ELMO1: variants seen among roughly 807,000 people sequenced by gnomAD.
ELMO1 encodes engulfment and cell motility 1, also known as engulfment and cell motility protein 1.
A neutral mutation model predicts 98.9 loss-of-function variants in ELMO1; 26 were observed. The observed-to-expected ratio is 0.26, with a 90% CI of 0.19 to 0.36. The LOEUF is 0.36. ELMO1 is among the 10% of genes least tolerant of loss of function. The pLI, the probability that ELMO1 is intolerant of heterozygous loss-of-function variation, is 1.00. For missense variants in ELMO1, 627 were observed against 935.2 expected, an observed-to-expected ratio of 0.67 and a Z score of 4.30; for synonymous variants, 346 against 346.0, an observed-to-expected ratio of 1.00 and a Z score of 0.00.
At position 37,152,416 on chromosome 7, in the gene ELMO1, T is replaced by A. The variant is rs1351563236; in HGVS notation, c.1087-19182A>T. Among the ~76,000 whole-genome samples, 3 of 151,094 alleles carry A rather than the reference T, an allele frequency of 2.0e-5. No individual in the cohort carries two copies. In the East Asian group the frequency reaches 5.9e-4, roughly 30 times the overall value. On this transcript the variant is annotated intron_variant, in intron 13 of 21. Transcript: ENST00000310758. ...GTGAGAGGTCTGGATCTCCCAGGTA[T>A]GTTCTGGCACCTTGAGCAATGTTGG... is the stretch of plus-strand genomic sequence containing the variant.
chr7:37,285,735 A>G (rs1186900067), intron 4 of ELMO1, among the ~76,000 whole-genome samples: 2 of 152,168 alleles, frequency 1.3e-5, no homozygotes, highest in Admixed American at 6.5e-5. Flanking sequence ...CAACCCAGCC[A>G]ATGAGGAGTG....
At chr7:37,382,986 G>C (rs991893732) in intron 1 of ELMO1, among the ~76,000 whole-genome samples, 3 of 152,200 alleles carry the variant, frequency 2.0e-5, no homozygotes, top group African/African-American at 7.2e-5. Context: ...TGAGTAAGTT[G>C]CAGATGTGAT....
intron 13 of ELMO1, among the ~76,000 whole-genome samples, chr7:37,185,040 T>C (rs78993156): frequency 1.0e-3 from 156 of 152,316 alleles, no homozygotes; most frequent in African/African-American, 3.6e-3. Flanking sequence ...GACGGACAAA[T>C]AGAGTATAGG....
intron 8 of ELMO1, among the ~76,000 whole-genome samples, chr7:37,227,993 A>G (rs1793960016): frequency 6.6e-6 from 1 of 152,248 alleles, no homozygotes; most frequent in South Asian, 2.1e-4. Context: ...AGCATGTTAC[A>G]TAATGAGCAT....
intron 13 of ELMO1, among the ~76,000 whole-genome samples, chr7:37,194,997 C>T (rs1791878344): frequency 6.6e-6 from 1 of 152,168 alleles, no homozygotes; most frequent in Non-Finnish European, 1.5e-5. Context: ...GCAAGAGATG[C>T]AAAGGTGTGC....
intron 16 of ELMO1, among the ~76,000 whole-genome samples, chr7:36,968,705 T>G (rs1326311888): frequency 6.6e-6 from 1 of 152,206 alleles, no homozygotes. Context: ...TTAACAGAAA[T>G]AGTTCTTAGA....
chr7:37,203,662 T>C (rs1439766880), intron 13 of ELMO1, among the ~76,000 whole-genome samples: 1 of 152,100 alleles, frequency 6.6e-6, no homozygotes, highest in Non-Finnish European at 1.5e-5. Flanking sequence ...AGTGGTTTTT[T>C]AGAAGTGGGA....
intron 13 of ELMO1, among the ~76,000 whole-genome samples, chr7:37,192,113 G>A (rs894023118): frequency 2.0e-5 from 3 of 152,316 alleles, no homozygotes; most frequent in Admixed American, 6.5e-5. Flanking sequence ...GTGATTTCTC[G>A]TGTGTGTGTT....
At chr7:37,147,672 G>C (rs1207483420) in intron 13 of ELMO1, among the ~76,000 whole-genome samples, 1 of 152,178 alleles carries the variant, frequency 6.6e-6, no homozygotes, top group Admixed American at 6.5e-5. Flanking sequence ...GAACAGAAGA[G>C]GTTCCACTGG....
Position 37,215,251 on chromosome 7 carries a change from G to C in ELMO1, c.831+1394C>G, listed in dbSNP as rs555735099. ...GGAAGTTTAAAATTGAACTAACTTG[G>C]TCACAAATTGCTGGCATTACCACTG... On this transcript the variant is annotated intron_variant, in intron 11 of 21. Transcript: ENST00000310758. Among the ~76,000 whole-genome samples the C allele has an allele frequency of 1.8e-4, 27 of 152,290 alleles. No homozygotes were observed. In the South Asian group the frequency reaches 4.1e-3, roughly 23 times the overall value.
chr7:36,995,336 C>T (rs1179055808), intron 16 of ELMO1, among the ~76,000 whole-genome samples: 9 of 152,024 alleles, frequency 5.9e-5, no homozygotes, highest in Admixed American at 1.3e-4. Context: ...TGTGAAACCC[C>T]GTTTCTACTA....
chr7:36,928,418 G>C (rs1444221572), intron 16 of ELMO1, among the ~76,000 whole-genome samples: 1 of 152,194 alleles, frequency 6.6e-6, no homozygotes, highest in Non-Finnish European at 1.5e-5. Flanking sequence ...CTGTAAATCA[G>C]GTGCAGAAGG....
intron 13 of ELMO1, among the ~76,000 whole-genome samples, chr7:37,166,250 T>C (rs1789681915): frequency 6.6e-6 from 1 of 152,254 alleles, no homozygotes; most frequent in African/African-American, 2.4e-5. Context: ...TTAGTCTTGC[T>C]AGCGGTCAAT....
chr7:37,321,716 CAAAA>C (rs565421716), intron 2 of ELMO1, among the ~76,000 whole-genome samples: 31 of 66,084 alleles, frequency 4.7e-4, no homozygotes, highest in African/African-American at 1.8e-3. Flanking sequence ...GACTCCGTCT[CAAAA>C]AAAAAAAAAA....
intron 8 of ELMO1, among the ~76,000 whole-genome samples, chr7:37,227,360 A>G (rs1399620526): frequency 2.6e-5 from 4 of 152,138 alleles, no homozygotes; most frequent in Non-Finnish European, 5.9e-5. Flanking sequence ...GAAATATTCA[A>G]TCAGAACTCT....
intron 1 of ELMO1, among the ~76,000 whole-genome samples, chr7:37,398,018 G>C (rs1032592020): frequency 6.6e-6 from 1 of 152,142 alleles, no homozygotes; most frequent in Non-Finnish European, 1.5e-5. Context: ...GTGGGATATG[G>C]GGAAGGAGAG....
chr7:36,916,064 G>C (rs1281376179), intron 16 of ELMO1, among the ~76,000 whole-genome samples: 1 of 152,186 alleles, frequency 6.6e-6, no homozygotes, highest in African/African-American at 2.4e-5. Context: ...CCTTTAAAAT[G>C]GATACAGCAA....
intron 16 of ELMO1, chr7:36,984,814 A>T (rs1328648908): frequency 7.6e-6 from 6 of 793,308 alleles, no homozygotes; most frequent in Non-Finnish European, 9.2e-6. Context: ...TAACATGATG[A>T]ATCCTCAAAA....
chr7:37,438,056 A>T (rs536831336), intron 1 of ELMO1, among the ~76,000 whole-genome samples: 102 of 152,218 alleles, frequency 6.7e-4, no homozygotes, highest in Admixed American at 3.9e-3. Context: ...TAATAAAATC[A>T]CCAGAACTTA....
Sources: allele counts gnomAD v4.1 joint callset (sites outside exome capture counted in the v4.1 genomes callset), GRCh38; gene constraint gnomAD v4.1.1; transcripts MANE v1.5; gene names NCBI Gene and HGNC (gene_info 2026-07-23, HGNC 2026-07-21).